MTMR8: variants seen among roughly 807,000 people sequenced by gnomAD.
The protein encoded by MTMR8 is myotubularin related protein 8, also known as phosphatidylinositol-3,5-bisphosphate 3-phosphatase MTMR8.
A neutral mutation model predicts 39.3 loss-of-function variants in MTMR8; 65 were observed. That is an observed-to-expected ratio of 1.65 (90% confidence interval 1.35 to 2.03). The LOEUF is 2.03. Ranked by LOEUF, MTMR8 falls within the 30% of genes most tolerant of loss-of-function variation. The probability of loss-of-function intolerance (pLI) is 0.00; values close to 1 mark genes in which losing one functional copy is unlikely to be tolerated. For synonymous variants in MTMR8, 245 were observed against 185.2 expected (o/e 1.32, Z -2.62); for missense variants, 777 against 538.9 (o/e 1.44, Z -4.37).
intron 12 of MTMR8, among the ~76,000 whole-genome samples, chrX:64,310,801 T>C (rs760154367): frequency 9.0e-6 from 1 of 111,440 alleles, no homozygotes; most frequent in East Asian, 2.8e-4. Context: ...GTTTCCAGCT[T>C]CATCCATGTC....
At chrX:64,304,075 ACATT>A (rs1025317981) in intron 12 of MTMR8, among the ~76,000 whole-genome samples, 4 of 112,351 alleles carry the variant, frequency 3.6e-5, no homozygotes, top group Non-Finnish European at 7.5e-5. Context: ...ATAGCATCAA[ACATT>A]CATTCAGTGC....
intron 1 of MTMR8, among the ~76,000 whole-genome samples, chrX:64,366,999 A>G (rs780161902): frequency 2.7e-5 from 3 of 112,125 alleles, no homozygotes; most frequent in Non-Finnish European, 5.6e-5. Flanking sequence ...AATAAACTAG[A>G]AAATCTAGAA....
intron 12 of MTMR8, among the ~76,000 whole-genome samples, chrX:64,296,658 C>A (rs1187693991): frequency 9.5e-6 from 1 of 105,034 alleles, no homozygotes; most frequent in East Asian, 3.0e-4. Context: ...TATACATGTG[C>A]CATGCTGGTG....
chrX:64,295,905 G>A (rs1484959043), intron 12 of MTMR8, among the ~76,000 whole-genome samples: 2 of 111,785 alleles, frequency 1.8e-5, no homozygotes, highest in South Asian at 3.7e-4. Flanking sequence ...CTTCGAAGTC[G>A]TTTAAAAAGT....
chrX:64,290,909 C>T (rs988753184), intron 12 of MTMR8, among the ~76,000 whole-genome samples: 1 of 111,792 alleles, frequency 8.9e-6, no homozygotes, highest in Non-Finnish European at 1.9e-5. Context: ...AATAAAAATG[C>T]TATAAGTATT....
intron 12 of MTMR8, among the ~76,000 whole-genome samples, chrX:64,289,904 A>C: frequency 9.0e-6 from 1 of 111,086 alleles, no homozygotes; most frequent in Non-Finnish European, 1.9e-5. Context: ...ACAAAAGGAA[A>C]AACATTGTAT....
At chrX:64,374,504 C>A (rs142293516) in intron 1 of MTMR8, among the ~76,000 whole-genome samples, 228 of 111,647 alleles carry the variant, frequency 2.0e-3, no homozygotes, top group African/African-American at 7.1e-3. Context: ...GCTCTTTATC[C>A]TAAAGGACTA....
chrX:64,386,573 C>T (rs180889060), intron 1 of MTMR8, among the ~76,000 whole-genome samples: 12 of 111,893 alleles, frequency 1.1e-4, no homozygotes, highest in East Asian at 5.6e-4. Context: ...CCTACCACCA[C>T]GGAAAATACT....
chrX:64,331,129 G>A (rs765718646), intron 11 of MTMR8, among the ~76,000 whole-genome samples: 4 of 111,233 alleles, frequency 3.6e-5, no homozygotes, highest in South Asian at 3.8e-4. Context: ...CAAAAATGTC[G>A]GCAACGAATT....
chrX:64,276,574 A>T (rs750596135), intron 12 of MTMR8, among the ~76,000 whole-genome samples: 1 of 111,988 alleles, frequency 8.9e-6, no homozygotes, highest in South Asian at 3.8e-4. Context: ...TGCAGTTTCC[A>T]TGTAGTTGTG....
At position 64,345,078 on chromosome X, in the gene MTMR8, C is replaced by T; in HGVS notation, c.832G>A (p.Val278Ile). 1 of 1,211,404 alleles carries T rather than the reference C, an allele frequency of 8.3e-7. No homozygotes were observed. The highest frequency in any genetic ancestry group is 1.1e-6 in the Non-Finnish European group (1 of 895,120). Residue 278 changes from valine (V) to isoleucine (I), a missense_variant, in exon 7 of 14, where the codon GTA (valine) becomes ATA (isoleucine). By Grantham distance (29) the Val-to-Ile change is conservative. Transcript: ENST00000374852. Reference protein sequence around the residue: ...FRFMGIENIHVMRSSLQKLLE... With the variant: ...FRFMGIENIHIMRSSLQKLLE... Reference sequence around the variant, plus strand: ...AGTTTCTGCAGACTGCTCCGCATTACATGGATGTTCTCAATGCCCATGAAT... The same window carrying T: ...AGTTTCTGCAGACTGCTCCGCATTATATGGATGTTCTCAATGCCCATGAAT...
intron 12 of MTMR8, among the ~76,000 whole-genome samples, chrX:64,317,814 C>T (rs957855924): frequency 2.7e-5 from 3 of 112,209 alleles, no homozygotes; most frequent in South Asian, 3.7e-4. Context: ...AGGAGGAGTG[C>T]CTCCTCATTA....
chrX:64,366,950 C>T (rs1923980870), intron 1 of MTMR8, among the ~76,000 whole-genome samples: 1 of 111,362 alleles, frequency 9.0e-6, no homozygotes, highest in Non-Finnish European at 1.9e-5. Flanking sequence ...GAAATAGAAA[C>T]TAACTACCAT....
chrX:64,345,085 G>A lies in MTMR8; in HGVS notation c.825C>T (p.Asn275=), dbSNP rs112589191. The change falls in exon 7 of 14, where the codon AAC becomes AAT. Residue 275 remains asparagine (N), a synonymous_variant. Coordinates refer to ENST00000374852, the MANE Select transcript of MTMR8 (RefSeq NM_017677.4). ...GCAGACTGCTCCGCATTACATGGATGTTCTCAATGCCCATGAATCTGAAGC... is the reference window on the plus strand; with the variant it reads ...GCAGACTGCTCCGCATTACATGGATATTCTCAATGCCCATGAATCTGAAGC... ...NIRFRFMGIE[N]IHVMRSSLQK... 1.7e-6 allele frequency: 2 copies of A among 1,211,045 alleles called. No individual in the cohort carries two copies. The highest frequency in any genetic ancestry group is 2.2e-6 in the Non-Finnish European group (2 of 894,794).
intron 8 of MTMR8, among the ~76,000 whole-genome samples, chrX:64,341,669 G>A (rs1056855155): frequency 6.3e-5 from 7 of 111,014 alleles, no homozygotes; most frequent in Non-Finnish European, 1.9e-5. Flanking sequence ...CAGTTCCTCA[G>A]TCTCACTAGC....
intron 12 of MTMR8, 93 bp from the exon 13 acceptor site, chrX:64,271,166 A>C: frequency 1.1e-6 from 1 of 923,165 alleles, no homozygotes; most frequent in Non-Finnish European, 1.4e-6. Context: ...ATATTGGCTT[A>C]GTAGGTGGGA....
At chrX:64,310,448 A>C (rs1922260712) in intron 12 of MTMR8, among the ~76,000 whole-genome samples, 1 of 111,445 alleles carries the variant, frequency 9.0e-6, no homozygotes, top group Admixed American at 9.6e-5. Context: ...ACTCTTTCCA[A>C]ACTTCTGTTA....
intron 1 of MTMR8, among the ~76,000 whole-genome samples, chrX:64,368,548 C>T (rs1368877465): frequency 9.0e-6 from 1 of 111,669 alleles, no homozygotes; most frequent in Non-Finnish European, 1.9e-5. Flanking sequence ...GGAAAACTGG[C>T]TAGCCATATG....
intron 12 of MTMR8, among the ~76,000 whole-genome samples, chrX:64,310,814 T>G (rs931275622): frequency 9.0e-5 from 10 of 111,607 alleles, no homozygotes; most frequent in Non-Finnish European, 1.5e-4. Flanking sequence ...TCCATGTCCC[T>G]GCAAAGGACA....
Sources: allele counts gnomAD v4.1 joint callset (sites outside exome capture counted in the v4.1 genomes callset), GRCh38; gene constraint gnomAD v4.1.1; transcripts MANE v1.5; gene names NCBI Gene and HGNC (gene_info 2026-07-23, HGNC 2026-07-21).